Variants in MAX observed in about 807,000 individuals in gnomAD.
MAX encodes protein max.
In MAX, 3 loss-of-function variants were observed where a neutral mutation model predicts 22.3. That is an observed-to-expected ratio of 0.13 (90% CI 0.06 to 0.35). MAX has a LOEUF of 0.35. Among genes scored for constraint, MAX ranks in the 10% least tolerant of loss-of-function variants. The pLI, the probability that MAX is intolerant of heterozygous loss-of-function variation, is 1.00. For synonymous variants in MAX, 72 were observed against 77.7 expected (o/e 0.93, Z 0.39); for missense variants, 119 against 209.4 (o/e 0.57, Z 2.66).
rs960944858 is a variant in MAX at position 65,054,476 on chromosome 14, G to C, written c.171+39232C>G. 4 of 1,192,288 alleles carry C rather than the reference G, an allele frequency of 3.4e-6. No individual in the cohort carries two copies. Among genetic ancestry groups the C allele is most frequent in the African/African-American group, 3.1e-5 (2 of 65,006 alleles). The allele number at this position is 1,192,288 out of a possible 1,614,324, so 73.9% of individuals were successfully genotyped here. Reference sequence around the variant, plus strand: ...TCTAGCCACATGGAGGATGGGGGGGGACGTGTGATTGCACCAGTGGTCTCT... The same window carrying C: ...TCTAGCCACATGGAGGATGGGGGGGCACGTGTGATTGCACCAGTGGTCTCT... On this transcript the variant is annotated intron_variant, in intron 3 of 3. Coordinates refer to the MAX transcript ENST00000341653. The surrounding 1 kb of genome is among the most constrained non-coding windows in gnomAD (Gnocchi z 4.4).
chr14:65,073,861 GTGGTT>G (rs1340526382), downstream of MAX, among the ~76,000 whole-genome samples: 4 of 152,168 alleles, frequency 2.6e-5, no homozygotes, highest in Non-Finnish European at 4.4e-5. Context: ...TGTCAATCAG[GTGGTT>G]TGGATTTTCC....
At position 65,079,533 on chromosome 14, in the gene MAX, C is replaced by T. The variant is rs897783209; in HGVS notation, c.172-1497G>A. Among the ~76,000 whole-genome samples, 1 of 152,186 alleles carries T rather than the reference C, an allele frequency of 6.6e-6. No individual in the cohort carries two copies. The highest frequency in any genetic ancestry group is 1.5e-5 in the Non-Finnish European group (1 of 68,044). ...ACTGGTAGAATAGTACAAAGCCAAG[C>T]GAAGCTCAAGGCGGGGTAGCCTAGT... On this transcript the variant is annotated intron_variant, in intron 3 of 4. Transcript: ENST00000358664. This position sits in a 1 kb window ranked among gnomAD's most constrained non-coding sequence, Gnocchi z 4.5.
At chr14:65,017,574 A>G (rs1487613081) in intron 3 of MAX, among the ~76,000 whole-genome samples, 6 of 152,206 alleles carry the variant, frequency 3.9e-5, no homozygotes, top group Admixed American at 2.0e-4. Context: ...GCAATGTCAC[A>G]TAGGAAGAGA....
At chr14:65,095,587 G>A (rs1014514313) in intron 2 of MAX, among the ~76,000 whole-genome samples, 7 of 152,166 alleles carry the variant, frequency 4.6e-5, no homozygotes, top group African/African-American at 1.7e-4. Flanking sequence ...AAGTTGGGCT[G>A]CGACTATACC....
intron 3 of MAX, among the ~76,000 whole-genome samples, chr14:65,020,708 A>G (rs1410829465): frequency 1.3e-5 from 2 of 150,002 alleles, no homozygotes; most frequent in Admixed American, 6.7e-5. Flanking sequence ...TGCTGGGATT[A>G]CAGGCATGAG....
At chr14:65,026,452 G>A (rs572146564) in intron 3 of MAX, among the ~76,000 whole-genome samples, 9 of 152,304 alleles carry the variant, frequency 5.9e-5, no homozygotes, top group African/African-American at 2.2e-4. Context: ...AGACTGGGAG[G>A]CATTCTCACG....
intron 3 of MAX, among the ~76,000 whole-genome samples, chr14:65,059,622 C>T (rs1385511553): frequency 6.6e-6 from 1 of 152,024 alleles, no homozygotes; most frequent in Non-Finnish European, 1.5e-5. Context: ...TTTAAAATCT[C>T]TCCTGCAGTT....
intron 3 of MAX, chr14:65,061,285 G>C (rs139574354): frequency 3.5e-4 from 569 of 1,614,068 alleles, no homozygotes; most frequent in Non-Finnish European, 4.6e-4. Context: ...TTAAGGATGA[G>C]ACATCGGCAG....
chr14:65,019,367 A>G (rs1282362727), intron 3 of MAX, among the ~76,000 whole-genome samples: 1 of 149,768 alleles, frequency 6.7e-6, no homozygotes, highest in Admixed American at 6.7e-5. Context: ...GGCACCTGTA[A>G]TCCCAGCTAC....
intron 2 of MAX, among the ~76,000 whole-genome samples, chr14:65,100,579 G>A (rs141095816): frequency 0.012 from 1,792 of 152,224 alleles, 12 homozygotes; most frequent in South Asian, 0.018. Context: ...CAGTACCCAA[G>A]CCCTCACCTC....
At position 65,044,181 on chromosome 14, in the gene MAX, C is replaced by T; in HGVS notation, c.172-37897G>A. The stretch of plus-strand genomic sequence containing the variant: ...AGGGAAGGAAAGAAAACCAGAGCAC[C>T]AAAACTAGAGTGCCAAGAAGCCACA... On this transcript the variant is annotated intron_variant, in intron 3 of 3. Coordinates refer to the MAX transcript ENST00000341653. The surrounding 1 kb of genome is among the most constrained non-coding windows in gnomAD (Gnocchi z 5.5). 1 of 1,519,718 alleles carries T rather than the reference C, an allele frequency of 6.6e-7. No homozygotes were observed. The highest frequency in any genetic ancestry group is 9.0e-7 in the Non-Finnish European group (1 of 1,116,176). 94.1% of individuals were successfully genotyped at this position (1,519,718 alleles called of 1,614,324 possible).
chr14:65,010,193 C>G (rs1361447737), intron 3 of MAX, among the ~76,000 whole-genome samples: 1 of 152,196 alleles, frequency 6.6e-6, no homozygotes, highest in African/African-American at 2.4e-5. Flanking sequence ...CATGACACTT[C>G]CTTTGCTCTT....
intron 2 of MAX, chr14:65,094,018 AG>A (rs1295073531): frequency 1.6e-6 from 1 of 620,730 alleles, no homozygotes; most frequent in Non-Finnish European, 2.9e-6. Flanking sequence ...CGCTTGCGAC[AG>A]GAACATCCAA....
chr14:65,048,813 G>A (rs2062544113), intron 3 of MAX, among the ~76,000 whole-genome samples: 1 of 152,010 alleles, frequency 6.6e-6, no homozygotes, highest in South Asian at 2.1e-4. Context: ...GAGTGCCACT[G>A]CAACTCCAGC....
intron 3 of MAX, among the ~76,000 whole-genome samples, chr14:65,037,426 T>TGAGACG (rs2062224368): frequency 8.6e-6 from 1 of 115,988 alleles, no homozygotes; most frequent in African/African-American, 3.5e-5. Context: ...TTTTTTTTTT[T>TGAGACG]TTTTTTTTTT....
intron 3 of MAX, among the ~76,000 whole-genome samples, chr14:65,043,701 G>A (rs553231346): frequency 7.0e-4 from 106 of 151,108 alleles, no homozygotes; most frequent in Middle Eastern, 3.4e-3. Flanking sequence ...GGGCGCCTGT[G>A]GTCCCAGCTA....
chr14:65,066,754 T>A (rs1362483370), intron 3 of MAX, among the ~76,000 whole-genome samples: 1 of 150,810 alleles, frequency 6.6e-6, no homozygotes, highest in Non-Finnish European at 1.5e-5. Context: ...CTCGGGAGGC[T>A]TAGAGGCTTA....
intron 3 of MAX, among the ~76,000 whole-genome samples, chr14:65,066,384 C>T (rs967612205): frequency 2.6e-5 from 4 of 152,206 alleles, no homozygotes; most frequent in African/African-American, 9.6e-5. Flanking sequence ...TGTTTTCCAC[C>T]AGCTGGGGAA....
Position 65,027,432 on chromosome 14 carries a change from G to T in MAX, c.172-21148C>A. On this transcript the variant is annotated intron_variant, in intron 3 of 3. Transcript: ENST00000341653. The surrounding 1 kb of genome is among the most constrained non-coding windows in gnomAD (Gnocchi z 5.7). ...ATGAATGCTCTCTGACTTTGTTTTTGCCCTTTGGCTGTGTACCTAGTGTGT... is the reference window on the plus strand; with the variant it reads ...ATGAATGCTCTCTGACTTTGTTTTTTCCCTTTGGCTGTGTACCTAGTGTGT... The T allele has an allele frequency of 6.2e-7, 1 of 1,610,750 alleles. No individual in the cohort carries two copies. Among genetic ancestry groups the T allele is most frequent in the Non-Finnish European group, 8.5e-7 (1 of 1,178,936 alleles).
Sources: allele counts gnomAD v4.1 joint callset (sites outside exome capture counted in the v4.1 genomes callset), GRCh38; gene constraint gnomAD v4.1.1; non-coding constraint Gnocchi (gnomAD v3.1); transcripts MANE v1.5; gene names NCBI Gene and HGNC (gene_info 2026-07-23, HGNC 2026-07-21).